The following DUSP3 variants were observed in gnomAD, a reference collection of about 807,000 sequenced individuals.
DUSP3 encodes dual specificity protein phosphatase 3.
Under a neutral mutation model 15.5 loss-of-function variants are expected in DUSP3, and 7 were observed. That is an observed-to-expected ratio of 0.45 (90% CI 0.26 to 0.85). DUSP3 has a LOEUF of 0.85. DUSP3 is among the 40% of genes least tolerant of loss of function. The probability of loss-of-function intolerance (pLI) is 0.18; values close to 1 mark genes in which losing one functional copy is unlikely to be tolerated. For missense variants in DUSP3, 209 were observed against 251.7 expected (o/e 0.83, Z 1.15); for synonymous variants, 86 against 104.2 (o/e 0.83, Z 1.07).
chr17:43,770,387 G>T (rs1375543581), intron 2 of DUSP3, among the ~76,000 whole-genome samples: 1 of 152,236 alleles, frequency 6.6e-6, no homozygotes, highest in Non-Finnish European at 1.5e-5. Flanking sequence ...GCTGGGCACA[G>T]TGGCTCACGC....
intron 2 of DUSP3, 25 bp downstream of exon 2, chr17:43,774,687 C>G: frequency 6.2e-7 from 1 of 1,613,788 alleles, no homozygotes; most frequent in Non-Finnish European, 8.5e-7. Flanking sequence ...TGCCTCCCAT[C>G]TTTTCCTGGT....
In DUSP3 at chr17:43,769,575, C is replaced by T. The variant is rs781133402; in HGVS notation, c.*34G>A. 1.2e-6 allele frequency: 2 copies of T among 1,609,642 alleles called. No homozygotes were observed. Among genetic ancestry groups the T allele is most frequent in the Non-Finnish European group, 1.7e-6 (2 of 1,179,046 alleles). Reference sequence around the variant, plus strand: ...GGACACCTTTGCCCACGGCCTCCCCCACGGACCTCTCGAGCAGAGGTGGTG... The same window carrying T: ...GGACACCTTTGCCCACGGCCTCCCCTACGGACCTCTCGAGCAGAGGTGGTG... On this transcript the variant is annotated 3_prime_UTR_variant, in exon 3 of 3. Transcript: ENST00000226004.
intron 2 of DUSP3, among the ~76,000 whole-genome samples, chr17:43,773,188 A>C (rs1007203495): frequency 6.6e-6 from 1 of 152,230 alleles, no homozygotes; most frequent in Admixed American, 6.5e-5. Context: ...CCAGTGGTCT[A>C]GAAAATTCTG....
chr17:43,773,168 C>T (rs1056242649), intron 2 of DUSP3, among the ~76,000 whole-genome samples: 7 of 152,164 alleles, frequency 4.6e-5, no homozygotes, highest in African/African-American at 1.2e-4. Flanking sequence ...GAGCCCTGAG[C>T]GTTCACTGTC....
intron 2 of DUSP3, 34 bp downstream of exon 2, chr17:43,774,678 G>C (rs776288562): frequency 6.2e-7 from 1 of 1,606,258 alleles, no homozygotes. Flanking sequence ...AGTCAGAGCT[G>C]CCTCCCATCT....
At position 43,766,517 on chromosome 17, in the gene DUSP3, A is replaced by G. The variant is rs1039478288; in HGVS notation, c.*3092T>C. The stretch of plus-strand genomic sequence containing the variant: ...GTACTTTTTTTTTTTTTTTTCCTTT[A>G]AAACAGTAGCATCTTAACTTGTGGC... On this transcript the variant is annotated 3_prime_UTR_variant, in exon 3 of 3. Transcript: ENST00000226004. 2 of 150,036 alleles carry G rather than the reference A, an allele frequency of 1.3e-5. No individual in the cohort carries two copies. Among genetic ancestry groups the G allele is most frequent in the Admixed American group, 6.6e-5 (1 of 15,134 alleles). 9.3% of individuals were successfully genotyped at this position (150,036 alleles called of 1,614,324 possible). A position where few individuals can be genotyped will look rare whatever the true frequency, so the allele number is the denominator to read the frequency against.
At position 43,769,868 on chromosome 17, in the gene DUSP3, C is replaced by T. The variant is rs941872744; in HGVS notation, c.353-54G>A. ...CTGGGGGCGTCCCATCACACCATGG[C>T]GTTGGTCAAGACTCTTCCGTGAAGT... On this transcript the variant is annotated intron_variant, in intron 2 of 2. Transcript: ENST00000226004. 11 of 1,594,448 alleles carry T rather than the reference C, an allele frequency of 6.9e-6. No individual in the cohort carries two copies. In the East Asian group the frequency reaches 9.0e-5, roughly 13 times the overall value.
chr17:43,772,654 G>A (rs1190119354), intron 2 of DUSP3, among the ~76,000 whole-genome samples: 1 of 152,182 alleles, frequency 6.6e-6, no homozygotes. Flanking sequence ...TGGCATTAGA[G>A]CCCATGGAAT....
At chr17:43,776,038 G>C (rs1000566559) in intron 1 of DUSP3, among the ~76,000 whole-genome samples, 30 of 152,192 alleles carry the variant, frequency 2.0e-4, no homozygotes, top group African/African-American at 7.2e-4. Context: ...AGAATCACTT[G>C]AACCCGGGAG....
rs2154590574 is a variant in DUSP3 at position 43,766,470 on chromosome 17, C to T, written c.*3139G>A. On this transcript the variant is annotated 3_prime_UTR_variant, in exon 3 of 3. Transcript: ENST00000226004. ...AAGAAAATTTCCTGCGAGAAAAGCT[C>T]ATGTCTTCATATTGAAGATCAGTAC... 1 of 151,868 alleles carries T rather than the reference C, an allele frequency of 6.6e-6. No individual in the cohort carries two copies. Among genetic ancestry groups the T allele is most frequent in the Admixed American group, 6.6e-5 (1 of 15,240 alleles). 9.4% of individuals were successfully genotyped at this position (151,868 alleles called of 1,614,324 possible). A position where few individuals can be genotyped will look rare whatever the true frequency, so the allele number is the denominator to read the frequency against.
chr17:43,772,529 C>A (rs1224478524), intron 2 of DUSP3, among the ~76,000 whole-genome samples: 1 of 152,182 alleles, frequency 6.6e-6, no homozygotes. Context: ...CTCTTGAGTA[C>A]CCTCAGCCAT....
chr17:43,776,614 A>C (rs1974390926), intron 1 of DUSP3, among the ~76,000 whole-genome samples: 1 of 152,166 alleles, frequency 6.6e-6, no homozygotes, highest in Non-Finnish European at 1.5e-5. Context: ...AGGAACCCCC[A>C]CACCCCTGGC....
At chr17:43,773,693 T>C (rs1974346387) in intron 2 of DUSP3, among the ~76,000 whole-genome samples, 1 of 152,142 alleles carries the variant, frequency 6.6e-6, no homozygotes, top group Non-Finnish European at 1.5e-5. Flanking sequence ...CTGGGCATGG[T>C]GGCACGTGCT....
intron 2 of DUSP3, among the ~76,000 whole-genome samples, chr17:43,773,458 C>T (rs528197185): frequency 1.5e-3 from 222 of 152,254 alleles, no homozygotes; most frequent in African/African-American, 4.5e-3. Flanking sequence ...TGACTGCCAG[C>T]GCCTTGGTAG....
chr17:43,778,487 T>C (rs1974417744), intron 1 of DUSP3: 1 of 238,826 alleles, frequency 4.2e-6, no homozygotes, highest in Non-Finnish European at 8.1e-6. Context: ...TAAGTGAACA[T>C]GGTAGCCCCG....
intron 2 of DUSP3, among the ~76,000 whole-genome samples, chr17:43,772,249 C>G (rs1321695874): frequency 6.6e-6 from 1 of 152,214 alleles, no homozygotes; most frequent in African/African-American, 2.4e-5. Context: ...CCAATGCCTT[C>G]CAAATCAGGA....
chr17:43,775,705 G>T (rs1381301920), intron 1 of DUSP3, among the ~76,000 whole-genome samples: 1 of 152,140 alleles, frequency 6.6e-6, no homozygotes, highest in Non-Finnish European at 1.5e-5. Context: ...CCCCCTCCCT[G>T]CCCCCAGAGG....
rs1974259324 is a variant in DUSP3 at position 43,767,781 on chromosome 17, T to C, written c.*1828A>G. The C allele has an allele frequency of 1.3e-5, 2 of 152,192 alleles. No individual in the cohort carries two copies. The highest frequency in any genetic ancestry group is 6.5e-5 in the Admixed American group (1 of 15,270). 9.4% of individuals were successfully genotyped at this position (152,192 alleles called of 1,614,324 possible). A position where few individuals can be genotyped will look rare whatever the true frequency, so the allele number is the denominator to read the frequency against. On this transcript the variant is annotated 3_prime_UTR_variant, in exon 3 of 3. Coordinates refer to ENST00000226004, the MANE Select transcript of DUSP3 (RefSeq NM_004090.4). ...TCTGGAGAAGAAGACACATACTGGT[T>C]GTTCAGGGCTGCTGTGGTCACAGAG...
Position 43,774,715 on chromosome 17 carries a change from T to G in DUSP3, c.349A>C (p.Asn117His). Residue 117 changes from asparagine (N) to histidine (H), a missense_variant, in exon 2 of 3, where the codon AAT (asparagine) becomes CAT (histidine). Coordinates refer to ENST00000226004, the MANE Select transcript of DUSP3 (RefSeq NM_004090.4). The part of the protein sequence containing the change: ...DFIDQALAQK[N>H]GRVLVHCREG... Reference sequence around the variant, plus strand: ...TTCCTGGTGGGAGGTCCCTTACCATTCTTTTGAGCCAAAGCCTGGTCAATG... The same window carrying G: ...TTCCTGGTGGGAGGTCCCTTACCATGCTTTTGAGCCAAAGCCTGGTCAATG... 1 of 1,614,136 alleles carries G rather than the reference T, an allele frequency of 6.2e-7. No individual in the cohort carries two copies. The highest frequency in any genetic ancestry group is 1.1e-5 in the South Asian group (1 of 91,080).
Sources: allele counts gnomAD v4.1 joint callset (sites outside exome capture counted in the v4.1 genomes callset), GRCh38; gene constraint gnomAD v4.1.1; transcripts MANE v1.5; gene names NCBI Gene and HGNC (gene_info 2026-07-23, HGNC 2026-07-21).